DIAPH1: variants seen among roughly 807,000 people sequenced by gnomAD.
DIAPH1 encodes protein diaphanous homolog 1.
In DIAPH1, 46 loss-of-function variants were observed where a neutral mutation model predicts 140.7. The ratio of observed to expected loss-of-function variants is 0.33; its 90% CI spans 0.26 to 0.42. DIAPH1 has a LOEUF of 0.42. DIAPH1 is among the 10% of genes least tolerant of loss of function. The pLI is 1.00. For synonymous variants in DIAPH1, 565 were observed against 551.6 expected (o/e 1.02, Z -0.34); for missense variants, 1,310 against 1,558.7 (o/e 0.84, Z 2.69).
intron 7 of DIAPH1, among the ~76,000 whole-genome samples, chr5:141,581,666 G>C (rs2099896766): frequency 6.6e-6 from 1 of 152,112 alleles, no homozygotes; most frequent in Non-Finnish European, 1.5e-5. Context: ...GATAAAAATG[G>C]AGCAACAGTC....
At chr5:141,529,744 C>T (rs556748181) in intron 19 of DIAPH1, 47 bp from the exon 20 acceptor site, 33 of 1,516,086 alleles carry the variant, frequency 2.2e-5, no homozygotes, top group African/African-American at 6.9e-5. Flanking sequence ...GGTCTGTTCC[C>T]GCTTCCAACC....
At chr5:141,576,092 G>A in intron 14 of DIAPH1, 138 bp downstream of exon 14, 1 of 726,388 alleles carries the variant, frequency 1.4e-6, no homozygotes, top group South Asian at 1.6e-5. Context: ...TACTGGAAAG[G>A]TTTCCCCTGG....
At chr5:141,599,033 T>C (rs1295093577) in intron 1 of DIAPH1, among the ~76,000 whole-genome samples, 3 of 152,204 alleles carry the variant, frequency 2.0e-5, no homozygotes, top group Non-Finnish European at 4.4e-5. Flanking sequence ...AATCTTTAAC[T>C]TTTCACTTTA....
At chr5:141,549,725 A>C (rs888619021) in intron 18 of DIAPH1, among the ~76,000 whole-genome samples, 2 of 152,202 alleles carry the variant, frequency 1.3e-5, no homozygotes, top group African/African-American at 4.8e-5. Flanking sequence ...AATTATTTGG[A>C]TATTAAGCAA....
At chr5:141,520,619 CCTTTT>C (rs1380698091) in intron 27 of DIAPH1, among the ~76,000 whole-genome samples, 3 of 152,154 alleles carry the variant, frequency 2.0e-5, no homozygotes, top group African/African-American at 7.2e-5. Flanking sequence ...CAAATAAACC[CCTTTT>C]CTTTATAAAT....
At chr5:141,550,461 A>T (rs2099891520) in intron 18 of DIAPH1, 1 of 154,382 alleles carries the variant, frequency 6.5e-6, no homozygotes, top group African/African-American at 2.4e-5. Flanking sequence ...TAAGTCCCTT[A>T]TCCAGGCAAG....
intron 18 of DIAPH1, among the ~76,000 whole-genome samples, chr5:141,550,891 G>T (rs189757419): frequency 1.3e-5 from 2 of 152,150 alleles, no homozygotes; most frequent in East Asian, 3.9e-4. Flanking sequence ...CATGTAACAC[G>T]AATAGTCTTA....
At chr5:141,553,424 G>A (rs1448024599) in intron 18 of DIAPH1, among the ~76,000 whole-genome samples, 1 of 152,152 alleles carries the variant, frequency 6.6e-6, no homozygotes, top group Non-Finnish European at 1.5e-5. Flanking sequence ...TGGATCACCT[G>A]AGGTCAGGAG....
At chr5:141,561,583 T>C (rs984794152) in intron 18 of DIAPH1, among the ~76,000 whole-genome samples, 13 of 152,136 alleles carry the variant, frequency 8.5e-5, no homozygotes, top group Admixed American at 8.5e-4. Flanking sequence ...GTCTTTTTCA[T>C]TATAAAAACA....
At chr5:141,546,662 GAA>G (rs547342313) in intron 18 of DIAPH1, among the ~76,000 whole-genome samples, 2 of 116,250 alleles carry the variant, frequency 1.7e-5, no homozygotes, top group Non-Finnish European at 3.7e-5. Flanking sequence ...AAAAAAAAAA[GAA>G]AAAAAAAAAA....
chr5:141,579,208 A>G lies in DIAPH1; in HGVS notation c.825-12T>C, dbSNP rs2099896385. Reference sequence around the variant, plus strand: ...AAACCCTTTCATTCCTGCCCAAGAGAAAGGAAACGGAGAGAACTTTCCAGG... The same window carrying G: ...AAACCCTTTCATTCCTGCCCAAGAGGAAGGAAACGGAGAGAACTTTCCAGG... On this transcript the variant is annotated splice_polypyrimidine_tract_variant and intron_variant, in intron 8 of 27. Transcript: ENST00000389054. 6.2e-7 allele frequency: 1 copy of G among 1,608,852 alleles called. No individual in the cohort carries two copies. The highest frequency in any genetic ancestry group is 2.2e-5 in the East Asian group (1 of 44,852).
Position 141,618,799 on chromosome 5 carries a change from A to G in DIAPH1, c.116T>C (p.Phe39Ser), listed in dbSNP as rs2154597560. ...GAGCGGGATGGGAGGGACACTCACA[A>G]ATTTCTTAGATTTGCCGCCGTCGCC... Reference protein sequence around the residue: ...AGGDGGKSKKFTLKRLMADEL... With the variant: ...AGGDGGKSKKSTLKRLMADEL... The change falls in exon 1 of 28, where the codon TTT becomes TCT. Residue 39 changes from phenylalanine to serine, a missense_variant and splice_region_variant. By Grantham distance (155) the Phe-to-Ser change is radical. Around this residue, in one of 3 missense-constraint regions of DIAPH1, gnomAD observed 377 missense variants for 497.1 expected, o/e 0.76. Transcript: ENST00000389054. The G allele has an allele frequency of 1.3e-6, 2 of 1,553,716 alleles. No homozygotes were observed. The highest frequency in any genetic ancestry group is 1.7e-6 in the Non-Finnish European group (2 of 1,148,750).
intron 1 of DIAPH1, among the ~76,000 whole-genome samples, chr5:141,597,310 C>A (rs2099899477): frequency 6.6e-6 from 1 of 152,146 alleles, no homozygotes; most frequent in African/African-American, 2.4e-5. Context: ...CAGAGCAGTT[C>A]TGGGTTTCTT....
intron 1 of DIAPH1, 21 bp downstream of exon 1, chr5:141,618,777 C>T: frequency 6.6e-7 from 1 of 1,514,440 alleles, no homozygotes; most frequent in Non-Finnish European, 9.0e-7. Context: ...CAGGCAGGAG[C>T]GGGATGGGAG....
At chr5:141,531,450 C>A (rs368209190) in intron 19 of DIAPH1, among the ~76,000 whole-genome samples, 19 of 152,016 alleles carry the variant, frequency 1.2e-4, no homozygotes, top group African/African-American at 4.6e-4. Flanking sequence ...GTGGCTGGGA[C>A]TATAGGCATG....
intron 1 of DIAPH1, among the ~76,000 whole-genome samples, chr5:141,607,833 C>A (rs929003793): frequency 6.6e-6 from 1 of 152,206 alleles, no homozygotes; most frequent in Non-Finnish European, 1.5e-5. Context: ...AAGGCCCAGT[C>A]ATATCCCCCA....
At chr5:141,539,747 C>T (rs1214660441) in intron 18 of DIAPH1, among the ~76,000 whole-genome samples, 2 of 151,968 alleles carry the variant, frequency 1.3e-5, no homozygotes, top group Non-Finnish European at 2.9e-5. Flanking sequence ...CTTTGTAATC[C>T]TCTTTATTTT....
At chr5:141,557,963 A>C (rs1258246767) in intron 18 of DIAPH1, 1 of 152,194 alleles carries the variant, frequency 6.6e-6, no homozygotes, top group Non-Finnish European at 1.5e-5. Context: ...GTTAGCTGGG[A>C]GCAAAAACAA....
chr5:141,561,020 T>C, intron 18 of DIAPH1: 1 of 438,550 alleles, frequency 2.3e-6, no homozygotes, highest in Non-Finnish European at 4.6e-6. Context: ...CCCTAGTCTC[T>C]GACCTCACAA....
Sources: gnomAD v4.1 joint callset for allele counts (sites outside exome capture counted in the v4.1 genomes callset) on GRCh38, gnomAD v4.1.1 for gene constraint, gnomAD v4.1.1 regional missense constraint, MANE v1.5 for transcripts, NCBI Gene and HGNC (gene_info 2026-07-23, HGNC 2026-07-21) for gene names.